USP49: variants seen among roughly 807,000 people sequenced by gnomAD.
The protein encoded by USP49 is ubiquitin specific peptidase 49, also known as ubiquitin carboxyl-terminal hydrolase 49.
A neutral mutation model predicts 58.6 loss-of-function variants in USP49; 24 were observed. The ratio of observed to expected loss-of-function variants is 0.41; its 90% confidence interval spans 0.30 to 0.58. USP49 has a LOEUF of 0.58. Among genes scored for constraint, USP49 ranks in the 20% least tolerant of loss-of-function variants. USP49 has a pLI of 0.30. For synonymous variants in USP49, 408 were observed against 365.1 expected (o/e 1.12, Z -1.34); for missense variants, 703 against 866.1 (o/e 0.81, Z 2.36).
intron 3 of USP49, among the ~76,000 whole-genome samples, chr6:41,837,473 T>G (rs113515013): frequency 0.017 from 2,531 of 152,258 alleles, 54 homozygotes; most frequent in African/African-American, 0.051. Context: ...GGTTAAAGAC[T>G]TAAAAGTAAA....
rs746940038 is a variant in USP49, at chr6:41,806,472, T to A, written c.512A>T (p.Gln171Leu). 8.1e-6 allele frequency: 13 copies of A among 1,596,694 alleles called. No homozygotes were observed. The South Asian group carries it at 1.4e-4, about 18-fold the overall frequency. Residue 171 changes from glutamine to leucine, a missense_variant, in exon 4 of 8, where the codon CAG (glutamine) becomes CTG (leucine). Gln to Leu is a moderately radical substitution (Grantham distance 113). Coordinates refer to ENST00000682992, the MANE Select transcript of USP49 (RefSeq NM_001286554.2). This position sits in a 1 kb window ranked among gnomAD's most constrained non-coding sequence, Gnocchi z 5.9. ...CTCCAGGGCCTCCTCCTGCCGCCGC[T>A]GCTCCAGCTTCGCCTGGCCCCGGGA... ...KSSRGQAKLE[Q>L]RRQEEALERK...
At chr6:41,866,466 G>A (rs1033609036) in intron 3 of USP49, among the ~76,000 whole-genome samples, 2 of 152,122 alleles carry the variant, frequency 1.3e-5, no homozygotes, top group Non-Finnish European at 2.9e-5. Flanking sequence ...AGTTAATAAT[G>A]TAAAACAAAA....
chr6:41,881,768 T>C (rs2127363433), intron 2 of USP49, among the ~76,000 whole-genome samples: 1 of 152,240 alleles, frequency 6.6e-6, no homozygotes, highest in Admixed American at 6.5e-5. Context: ...AAAGTATAGT[T>C]TTCCTTCCTT....
intron 2 of USP49, among the ~76,000 whole-genome samples, chr6:41,890,392 C>T (rs1044711581): frequency 2.2e-5 from 3 of 136,844 alleles, no homozygotes; most frequent in African/African-American, 7.9e-5. Flanking sequence ...AAAAAAAAAA[C>T]GAGTGGATCA....
At chr6:41,832,584 T>A (rs1245946566) in intron 3 of USP49, among the ~76,000 whole-genome samples, 11 of 152,278 alleles carry the variant, frequency 7.2e-5, no homozygotes, top group Non-Finnish European at 1.6e-4. Flanking sequence ...TTAAACGTGT[T>A]TTTTTCCAAC....
chr6:41,808,551 A>G (rs189096599), intron 3 of USP49, among the ~76,000 whole-genome samples: 54 of 152,080 alleles, frequency 3.6e-4, no homozygotes, highest in Middle Eastern at 3.4e-3. Flanking sequence ...CTGGGACTAA[A>G]GGCGTGCGCC....
intron 2 of USP49, chr6:41,873,938 T>A (rs1209959469): frequency 6.6e-6 from 1 of 152,250 alleles, no homozygotes; most frequent in Non-Finnish European, 1.5e-5. Flanking sequence ...TACTGCAATA[T>A]ACTTTTAAAT....
chr6:41,805,513 C>T, intron 4 of USP49, 115 bp downstream of exon 4: 1 of 1,180,320 alleles, frequency 8.5e-7, no homozygotes, highest in Non-Finnish European at 1.2e-6. Flanking sequence ...CTCCAAATTG[C>T]ATAATCACAG....
At chr6:41,804,107 G>T in intron 4 of USP49, 97 bp from the exon 5 acceptor site, 1 of 1,090,844 alleles carries the variant, frequency 9.2e-7, no homozygotes, top group Non-Finnish European at 1.3e-6. Context: ...TCAAAACTAA[G>T]TGTATAATTT....
At chr6:41,812,728 G>A (rs1484870505) in intron 3 of USP49, among the ~76,000 whole-genome samples, 1 of 152,072 alleles carries the variant, frequency 6.6e-6, no homozygotes, top group Non-Finnish European at 1.5e-5. Context: ...CCAGTAAATT[G>A]TATAGGGATA....
chr6:41,857,822 C>T (rs1056272636), intron 3 of USP49, among the ~76,000 whole-genome samples: 2 of 152,176 alleles, frequency 1.3e-5, no homozygotes, highest in Admixed American at 6.5e-5. Flanking sequence ...GTAACACAGG[C>T]ATTACATGCA....
chr6:41,834,412 C>T (rs1318828180), intron 3 of USP49, among the ~76,000 whole-genome samples: 2 of 152,026 alleles, frequency 1.3e-5, no homozygotes, highest in Non-Finnish European at 2.9e-5. Flanking sequence ...ACTATTATCC[C>T]GATTTTATAT....
intron 3 of USP49, among the ~76,000 whole-genome samples, chr6:41,828,340 T>C (rs1289603480): frequency 6.6e-6 from 1 of 151,862 alleles, no homozygotes; most frequent in African/African-American, 2.4e-5. Flanking sequence ...TCCCAGCTAC[T>C]TGGGAGGCTG....
intron 2 of USP49, among the ~76,000 whole-genome samples, chr6:41,889,401 T>C (rs574400815): frequency 3.9e-5 from 6 of 152,114 alleles, no homozygotes; most frequent in Admixed American, 3.9e-4. Flanking sequence ...TACATAAGAG[T>C]CTTTAAAATA....
intron 3 of USP49, among the ~76,000 whole-genome samples, chr6:41,833,478 T>C: frequency 6.6e-6 from 1 of 152,322 alleles, no homozygotes. Context: ...TCAGTAGAAA[T>C]AATTTCAGAA....
intron 3 of USP49, among the ~76,000 whole-genome samples, chr6:41,864,520 G>A (rs1335385464): frequency 2.0e-5 from 3 of 151,998 alleles, no homozygotes; most frequent in Non-Finnish European, 4.4e-5. Flanking sequence ...CTGAGATCGC[G>A]CCACTACACT....
At chr6:41,851,983 AAAG>A (rs1341483019) in intron 3 of USP49, among the ~76,000 whole-genome samples, 3 of 150,548 alleles carry the variant, frequency 2.0e-5, no homozygotes, top group African/African-American at 7.3e-5. Context: ...AAAAGAAAGA[AAAG>A]AAGTAAATTT....
At chr6:41,821,762 G>A (rs1308840219) in intron 3 of USP49, among the ~76,000 whole-genome samples, 2 of 152,094 alleles carry the variant, frequency 1.3e-5, no homozygotes, top group African/African-American at 4.8e-5. Context: ...TAACAATTCT[G>A]CTCCTTCCTC....
At chr6:41,866,141 C>T (rs1378076701) in intron 3 of USP49, among the ~76,000 whole-genome samples, 2 of 151,688 alleles carry the variant, frequency 1.3e-5, no homozygotes, top group South Asian at 2.1e-4. Context: ...AGGATGGTCT[C>T]GACCTTCTGA....
Sources: gnomAD v4.1 joint callset for allele counts (sites outside exome capture counted in the v4.1 genomes callset) on GRCh38, gnomAD v4.1.1 for gene constraint, Gnocchi (gnomAD v3.1) non-coding constraint, MANE v1.5 for transcripts, NCBI Gene and HGNC (gene_info 2026-07-23, HGNC 2026-07-21) for gene names.